The following STAMBP variants were observed in gnomAD, a reference collection of about 807,000 sequenced individuals.
STAMBP encodes the protein STAM binding protein.
STAMBP carries 31 observed loss-of-function variants against 50.7 expected under a neutral mutation model. That is an observed-to-expected ratio of 0.61 (90% CI 0.46 to 0.83). STAMBP has a LOEUF of 0.83. STAMBP is among the 40% of genes least tolerant of loss of function. The pLI, the probability that STAMBP is intolerant of heterozygous loss-of-function variation, is 0.00. For synonymous variants in STAMBP, 211 were observed against 192.4 expected (o/e 1.10, Z -0.80); for missense variants, 472 against 518.9 (o/e 0.91, Z 0.88).
intron 7 of STAMBP, among the ~76,000 whole-genome samples, chr2:73,851,683 A>C (rs979356599): frequency 1.4e-5 from 2 of 147,216 alleles, no homozygotes; most frequent in African/African-American, 5.1e-5. Flanking sequence ...CTTTTCACCC[A>C]GACTGGAGTG....
intron 2 of STAMBP, among the ~76,000 whole-genome samples, chr2:73,836,700 T>C (rs779638895): frequency 8.5e-5 from 13 of 152,212 alleles, no homozygotes; most frequent in Non-Finnish European, 1.6e-4. Context: ...CAGGGCCTTC[T>C]TCCTCCCTGG....
At chr2:73,858,093 C>A (rs1472926284) in intron 7 of STAMBP, among the ~76,000 whole-genome samples, 5 of 151,926 alleles carry the variant, frequency 3.3e-5, no homozygotes, top group African/African-American at 1.2e-4. Context: ...TGCTCTTCTC[C>A]TGCCTCAACC....
At chr2:73,836,417 G>A (rs911841187) in intron 2 of STAMBP, among the ~76,000 whole-genome samples, 2 of 152,212 alleles carry the variant, frequency 1.3e-5, no homozygotes, top group Admixed American at 1.3e-4. Context: ...TGGTGCCCGC[G>A]CTGCCCTCAA....
At chr2:73,856,458 C>A (rs930455623) in intron 7 of STAMBP, among the ~76,000 whole-genome samples, 1 of 152,132 alleles carries the variant, frequency 6.6e-6, no homozygotes, top group East Asian at 1.9e-4. Flanking sequence ...TGTAAGGAAC[C>A]AAATAAGTCT....
At chr2:73,854,616 C>A (rs529061773) in intron 7 of STAMBP, among the ~76,000 whole-genome samples, 1 of 152,162 alleles carries the variant, frequency 6.6e-6, no homozygotes, top group Non-Finnish European at 1.5e-5. Flanking sequence ...GCTAAGACTA[C>A]AAGCACACAC....
intron 7 of STAMBP, among the ~76,000 whole-genome samples, chr2:73,852,493 A>G (rs186268803): frequency 3.3e-5 from 5 of 152,318 alleles, no homozygotes; most frequent in Admixed American, 1.3e-4. Flanking sequence ...GGAATCCACT[A>G]TTTAGTGCTG....
In STAMBP at chr2:73,845,255, A is replaced by C. The variant is rs1675920035; in HGVS notation, c.368A>C (p.Glu123Ala). 2 of 1,610,636 alleles carry C rather than the reference A, an allele frequency of 1.2e-6. No individual in the cohort carries two copies. Among genetic ancestry groups the C allele is most frequent in the South Asian group, 2.2e-5 (2 of 90,918 alleles). The change falls in exon 4 of 10, where the codon GAA becomes GCA. Residue 123 changes from glutamate (E) to alanine (A), a missense_variant. By Grantham distance (107) the Glu-to-Ala change is moderately radical (BLOSUM62 -1). Coordinates refer to ENST00000394070, the MANE Select transcript of STAMBP (RefSeq NM_213622.4). The part of the protein sequence containing the change: ...RYTKEYTEYN[E>A]EKKKEAEELA... ...ACCAAAGAATATACAGAATATAATG[A>C]AGAAAAGGTCAGTATATAACAGCTA...
chr2:73,844,530 T>C (rs560703681), intron 2 of STAMBP: 7 of 213,130 alleles, frequency 3.3e-5, no homozygotes, highest in African/African-American at 9.2e-5. Flanking sequence ...TGGAGGTACA[T>C]TTTTGGGCAC....
At chr2:73,854,453 A>G (rs1204946582) in intron 7 of STAMBP, among the ~76,000 whole-genome samples, 2 of 152,232 alleles carry the variant, frequency 1.3e-5, no homozygotes. Flanking sequence ...CTAAATTGAT[A>G]GTAGTTCAGC....
rs553837468 is a variant in STAMBP, at chr2:73,864,394, C to T, written c.*2135C>T. The T allele has an allele frequency of 6.6e-6, 1 of 152,284 alleles. No individual in the cohort carries two copies. The highest frequency in any genetic ancestry group is 2.1e-4 in the South Asian group (1 of 4,830). 9.4% of individuals were successfully genotyped at this position (152,284 alleles called of 1,614,324 possible). On this transcript the variant is annotated 3_prime_UTR_variant, in exon 10 of 10. Transcript: ENST00000394070. The stretch of plus-strand genomic sequence containing the variant: ...GGGTGCAGGAAATCAGTCTGTAGAT[C>T]CCTCTTCATATCTGCTGCAGCCTAG...
chr2:73,833,583 G>T (rs562858172), intron 2 of STAMBP, among the ~76,000 whole-genome samples: 1 of 152,196 alleles, frequency 6.6e-6, no homozygotes, highest in Admixed American at 6.5e-5. Context: ...AAACCCAGGG[G>T]CACAATTCCT....
chr2:73,852,938 G>T (rs948116652), intron 7 of STAMBP, among the ~76,000 whole-genome samples: 1 of 124,280 alleles, frequency 8.0e-6, no homozygotes, highest in African/African-American at 4.7e-5. Context: ...GTGTGTGTGT[G>T]TGTGTGTGTG....
At chr2:73,858,137 C>T (rs553762766) in intron 7 of STAMBP, among the ~76,000 whole-genome samples, 1 of 151,294 alleles carries the variant, frequency 6.6e-6, no homozygotes, top group South Asian at 2.1e-4. Flanking sequence ...CGCGTGCCAC[C>T]ACGCCTGGCT....
Position 73,864,296 on chromosome 2 carries a change from T to C in STAMBP, c.*2037T>C, listed in dbSNP as rs1203170681. ...ATATCATACGTTGCAACCACATTGA[T>C]CACAGACTGATCACCAAACTGCTAT... On this transcript the variant is annotated 3_prime_UTR_variant, in exon 10 of 10. Coordinates refer to ENST00000394070, the MANE Select transcript of STAMBP (RefSeq NM_213622.4). The C allele has an allele frequency of 6.6e-6, 1 of 152,240 alleles. No homozygotes were observed. The highest frequency in any genetic ancestry group is 1.5e-5 in the Non-Finnish European group (1 of 68,056). 9.4% of individuals were successfully genotyped at this position (152,240 alleles called of 1,614,324 possible).
chr2:73,859,371 G>C lies in STAMBP; in HGVS notation c.1118+5G>C. 1.9e-6 allele frequency: 3 copies of C among 1,610,224 alleles called. No homozygotes were observed. Among genetic ancestry groups the C allele is most frequent in the Non-Finnish European group, 2.6e-6 (3 of 1,176,442 alleles). The stretch of plus-strand genomic sequence containing the variant: ...TTGCTCCCCCAAGTTCCAGGAGTGA[G>C]TATAGAGGGCATGGTTCTGGGTGTT... On this transcript the variant is annotated splice_donor_5th_base_variant and intron_variant, in intron 8 of 9. Transcript: ENST00000394070.
intron 4 of STAMBP, among the ~76,000 whole-genome samples, chr2:73,846,524 G>A (rs1676080182): frequency 6.6e-6 from 1 of 151,924 alleles, no homozygotes; most frequent in Admixed American, 6.6e-5. Context: ...TACTCGGGAG[G>A]CTGAGATGGG....
chr2:73,835,797 C>T (rs887051883), intron 2 of STAMBP, among the ~76,000 whole-genome samples: 6 of 152,068 alleles, frequency 3.9e-5, no homozygotes, highest in African/African-American at 9.7e-5. Context: ...TAACCGTTCA[C>T]GTTTGGGGTT....
intron 2 of STAMBP, among the ~76,000 whole-genome samples, chr2:73,835,733 C>T (rs1172139920): frequency 1.3e-5 from 2 of 152,090 alleles, no homozygotes; most frequent in Non-Finnish European, 2.9e-5. Flanking sequence ...ATAGGGTAGT[C>T]CATGTATTGA....
In STAMBP at chr2:73,847,741, A is replaced by G; in HGVS notation, c.730A>G (p.Asn244Asp). The change falls in exon 5 of 10, where the codon AAC becomes GAC. Residue 244 changes from asparagine to aspartate, a missense_variant. By Grantham distance (23) the Asn-to-Asp change is conservative. Transcript: ENST00000394070. ...DRSLKPGALS[N>D]SESIPTIDGL... ...GTCCTTGAAACCTGGAGCACTGAGC[A>G]ACTCAGAAAGTAGTAAGTGCATTTG... 1.9e-6 allele frequency: 3 copies of G among 1,613,276 alleles called. No homozygotes were observed. The highest frequency in any genetic ancestry group is 2.5e-6 in the Non-Finnish European group (3 of 1,179,676).
Sources: gnomAD v4.1 joint callset for allele counts (sites outside exome capture counted in the v4.1 genomes callset) on GRCh38, gnomAD v4.1.1 for gene constraint, MANE v1.5 for transcripts, NCBI Gene and HGNC (gene_info 2026-07-23, HGNC 2026-07-21) for gene names.